TMEM9B: variants seen among roughly 807,000 people sequenced by gnomAD.
TMEM9B encodes transmembrane protein 9B.
In TMEM9B, 8 loss-of-function variants were observed where a neutral mutation model predicts 23.5. The ratio of observed to expected loss-of-function variants is 0.34; its 90% CI spans 0.20 to 0.61. The LOEUF (loss-of-function observed/expected upper bound fraction) is 0.61, where lower values mean the gene tolerates loss of function less well. Among genes scored for constraint, TMEM9B ranks in the 20% least tolerant of loss-of-function variants. The pLI, the probability that TMEM9B is intolerant of heterozygous loss-of-function variation, is 0.78. For synonymous variants in TMEM9B, 106 were observed against 96.3 expected, an observed-to-expected ratio of 1.10 and a Z score of -0.59; for missense variants, 197 against 252.3, an observed-to-expected ratio of 0.78 and a Z score of 1.49.
At chr11:8,956,642 T>C (rs1214959952) in intron 2 of TMEM9B, among the ~76,000 whole-genome samples, 1 of 152,180 alleles carries the variant, frequency 6.6e-6, no homozygotes, top group East Asian at 1.9e-4. Context: ...TAAGGAAAAC[T>C]ACTTAAAATG....
chr11:8,949,746 T>C (rs1481567368), intron 4 of TMEM9B, among the ~76,000 whole-genome samples: 1 of 152,224 alleles, frequency 6.6e-6, no homozygotes, highest in African/African-American at 2.4e-5. Context: ...TTCCTCCTCT[T>C]CTTTGTCAAA....
chr11:8,949,182 AC>A (rs972285312), intron 4 of TMEM9B, among the ~76,000 whole-genome samples: 8 of 152,176 alleles, frequency 5.3e-5, no homozygotes, highest in African/African-American at 1.4e-4. Flanking sequence ...ATTGTTAAGC[AC>A]CCAGTGGCTT....
rs117002418 is a variant in TMEM9B at position 8,953,395 on chromosome 11, G to C, written c.307-58C>G. ...GTTCAAGCCCATAAATCAGAACTTT[G>C]TATGATAATAGTAAAACTGACTGAC... On this transcript the variant is annotated intron_variant, in intron 3 of 4. Transcript: ENST00000534025. The C allele has an allele frequency of 0.033, 50,979 of 1,566,616 alleles. 923 individuals carry two copies. Among genetic ancestry groups the C allele is most frequent in the Middle Eastern group, 0.042 (186 of 4,398 alleles).
intron 4 of TMEM9B, among the ~76,000 whole-genome samples, chr11:8,950,417 A>G (rs982421611): frequency 6.6e-6 from 1 of 152,230 alleles, no homozygotes; most frequent in South Asian, 2.1e-4. Flanking sequence ...TTGTTTTGAC[A>G]TAAGCAATAC....
chr11:8,955,606 C>A (rs867636706), intron 3 of TMEM9B, among the ~76,000 whole-genome samples: 2 of 152,254 alleles, frequency 1.3e-5, no homozygotes, highest in South Asian at 4.1e-4. Context: ...AGAGTTCATG[C>A]TCCTATGAGA....
chr11:8,952,008 C>G (rs1853885112), intron 4 of TMEM9B, among the ~76,000 whole-genome samples: 1 of 151,948 alleles, frequency 6.6e-6, no homozygotes, highest in Non-Finnish European at 1.5e-5. Context: ...ACCTGGGAGG[C>G]TGAGGCAGGA....
At chr11:8,954,532 A>C (rs934979047) in intron 3 of TMEM9B, among the ~76,000 whole-genome samples, 3 of 151,788 alleles carry the variant, frequency 2.0e-5, no homozygotes, top group Non-Finnish European at 4.4e-5. Flanking sequence ...CAAGTGATCC[A>C]CCCGCCTCGG....
chr11:8,958,192 G>C (rs1589947319), intron 2 of TMEM9B, among the ~76,000 whole-genome samples: 1 of 147,526 alleles, frequency 6.8e-6, no homozygotes, highest in East Asian at 2.1e-4. Flanking sequence ...GCCGGGTGTG[G>C]TGGCTCACGC....
chr11:8,949,018 T>G (rs998739262), intron 4 of TMEM9B, among the ~76,000 whole-genome samples: 1 of 152,212 alleles, frequency 6.6e-6, no homozygotes, highest in African/African-American at 2.4e-5. Context: ...TATCTTGGGT[T>G]GTTTTTAATC....
rs1419567952 is a variant in TMEM9B at position 8,957,488 on chromosome 11, C to G, written c.198-1190G>C. On this transcript the variant is annotated intron_variant, in intron 2 of 4. Coordinates refer to ENST00000534025, the MANE Select transcript of TMEM9B (RefSeq NM_020644.3). The surrounding 1 kb of genome is among the most constrained non-coding windows in gnomAD (Gnocchi z 4.3). ...ACAATTTTCTTTCCTTTTGGCATCTCTTCGTTAGGCATTCCTGGCTGCCTC... is the reference window on the plus strand; with the variant it reads ...ACAATTTTCTTTCCTTTTGGCATCTGTTCGTTAGGCATTCCTGGCTGCCTC... Among the ~76,000 whole-genome samples, 1 of 152,226 alleles carries G rather than the reference C, an allele frequency of 6.6e-6. No individual in the cohort carries two copies. The highest frequency in any genetic ancestry group is 1.5e-5 in the Non-Finnish European group (1 of 68,036).
intron 4 of TMEM9B, 95 bp from the exon 5 acceptor site, chr11:8,948,570 G>A: frequency 7.0e-7 from 1 of 1,421,180 alleles, no homozygotes; most frequent in Non-Finnish European, 9.5e-7. Flanking sequence ...AATAGGGGTA[G>A]GTGGACTTTT....
chr11:8,953,208 TATC>T lies in TMEM9B; in HGVS notation c.433_435del (p.Asp145del). The stretch of plus-strand genomic sequence containing the variant: ...AGGGCAGGCTGGGAACTTACCCCAA[TATC>T]ATCATCACTCTGTATCAACTGTGCA... On this transcript the variant is annotated inframe_deletion, in exon 4 of 5. Coordinates refer to ENST00000534025, the MANE Select transcript of TMEM9B (RefSeq NM_020644.3). The T allele has an allele frequency of 6.2e-7, 1 of 1,614,156 alleles. No individual in the cohort carries two copies. Among genetic ancestry groups the T allele is most frequent in the Non-Finnish European group, 8.5e-7 (1 of 1,180,024 alleles).
At chr11:8,958,455 T>C (rs1217526601) in intron 2 of TMEM9B, among the ~76,000 whole-genome samples, 1 of 151,286 alleles carries the variant, frequency 6.6e-6, no homozygotes, top group Non-Finnish European at 1.5e-5. Flanking sequence ...AGTGAGACTC[T>C]GTCTCAAAAA....
chr11:8,964,470 G>A (rs1854160506), upstream of TMEM9B: 1 of 1,422,220 alleles, frequency 7.0e-7, no homozygotes, highest in Non-Finnish European at 9.1e-7. Flanking sequence ...CGGGCGCGCC[G>A]GGTCAGATGC....
At chr11:8,950,302 A>G (rs1037195588) in intron 4 of TMEM9B, among the ~76,000 whole-genome samples, 1 of 152,216 alleles carries the variant, frequency 6.6e-6, no homozygotes, top group African/African-American at 2.4e-5. Flanking sequence ...TTGGTCAGGT[A>G]GATTAAAATG....
chr11:8,954,353 G>A (rs970238697), intron 3 of TMEM9B, among the ~76,000 whole-genome samples: 9 of 151,586 alleles, frequency 5.9e-5, no homozygotes, highest in African/African-American at 1.9e-4. Flanking sequence ...GCAGTGGCAC[G>A]ATCTCAGCTC....
At chr11:8,950,316 C>A (rs1853852191) in intron 4 of TMEM9B, among the ~76,000 whole-genome samples, 2 of 152,126 alleles carry the variant, frequency 1.3e-5, no homozygotes, top group African/African-American at 4.8e-5. Flanking sequence ...TAAAATGACA[C>A]TATAAGAATA....
At position 8,956,241 on chromosome 11, in the gene TMEM9B, G is replaced by A. The variant is rs769219549; in HGVS notation, c.255C>T (p.Tyr85=). The A allele has an allele frequency of 3.1e-6, 5 of 1,613,730 alleles. No individual in the cohort carries two copies. Among genetic ancestry groups the A allele is most frequent in the East Asian group, 2.2e-5 (1 of 44,884 alleles). ...MPVRGPDVEA[Y]CLRCECKYEE... is the part of the protein sequence containing the mutation. ...CATATTTGCATTCACAGCGTAGACAGTATGCTTCTACATCAGGCCCCCGCA... is the reference window on the plus strand; with the variant it reads ...CATATTTGCATTCACAGCGTAGACAATATGCTTCTACATCAGGCCCCCGCA... The change falls in exon 3 of 5, where the codon TAC becomes TAT. Residue 85 remains tyrosine (Y), a synonymous_variant. Transcript: ENST00000534025.
At chr11:8,952,342 G>T (rs1380277351) in intron 4 of TMEM9B, among the ~76,000 whole-genome samples, 2 of 151,612 alleles carry the variant, frequency 1.3e-5, no homozygotes, top group African/African-American at 4.8e-5. Context: ...GTGTGTGAGA[G>T]ATTTAAAGAC....
Sources: allele counts gnomAD v4.1 joint callset (sites outside exome capture counted in the v4.1 genomes callset), GRCh38; gene constraint gnomAD v4.1.1; non-coding constraint Gnocchi (gnomAD v3.1); transcripts MANE v1.5; gene names NCBI Gene and HGNC (gene_info 2026-07-23, HGNC 2026-07-21).